XPC: variants seen among roughly 807,000 people sequenced by gnomAD.
XPC encodes XPC complex subunit, DNA damage recognition and repair factor.
Under a neutral mutation model 95.8 loss-of-function variants are expected in XPC, and 76 were observed. That is an observed-to-expected ratio of 0.79 (90% CI 0.66 to 0.96). The LOEUF is 0.96. Ranked by LOEUF, XPC falls within the 40% of genes least tolerant of loss-of-function variation. XPC has a pLI of 0.00. For synonymous variants in XPC, 442 were observed against 442.1 expected (o/e 1.00, Z 0.00); for missense variants, 1,146 against 1,179.8 (o/e 0.97, Z 0.42).
At chr3:14,155,004 C>G (rs1035178742) in intron 10 of XPC, among the ~76,000 whole-genome samples, 1 of 152,194 alleles carries the variant, frequency 6.6e-6, no homozygotes, top group Non-Finnish European at 1.5e-5. Flanking sequence ...CCCGACTACC[C>G]GTACATACCC....
At chr3:14,171,201 A>T (rs953260331) in intron 2 of XPC, among the ~76,000 whole-genome samples, 1 of 152,252 alleles carries the variant, frequency 6.6e-6, no homozygotes. Context: ...TGTCTAGAGT[A>T]TCCAGTTACT....
intron 10 of XPC, among the ~76,000 whole-genome samples, chr3:14,155,715 C>T (rs1695876307): frequency 6.6e-6 from 1 of 152,160 alleles, no homozygotes; most frequent in African/African-American, 2.4e-5. Flanking sequence ...CCCGCCACCA[C>T]ACCCGGCTAA....
In XPC at chr3:14,164,877, A is replaced by G; in HGVS notation, c.836T>C (p.Leu279Pro). The G allele has an allele frequency of 6.2e-7, 1 of 1,612,916 alleles. No homozygotes were observed. Among genetic ancestry groups the G allele is most frequent in the South Asian group, 1.1e-5 (1 of 90,796 alleles). ...AELSASEQDN[L>P]QTTLERRFAI... ...AAATCTCCTTTCCAATGTAGTCTGC[A>G]GGTTATCTTGTTCACTGGCTGAAAG... The change falls in exon 7 of 16, where the codon CTG becomes CCG. Residue 279 changes from leucine to proline, a missense_variant. Physicochemically the swap from Leu to Pro is moderately conservative, Grantham distance 98 (BLOSUM62 -3). Coordinates refer to ENST00000285021, the MANE Select transcript of XPC (RefSeq NM_004628.5).
intron 8 of XPC, 56 bp downstream of exon 8, chr3:14,159,685 A>G (rs1396956736): frequency 8.8e-6 from 13 of 1,471,470 alleles, no homozygotes; most frequent in Non-Finnish European, 1.2e-5. Flanking sequence ...AATTTTTTTA[A>G]GTGTGACAAT....
At chr3:14,162,678 CAG>C (rs1299239497) in intron 7 of XPC, among the ~76,000 whole-genome samples, 2 of 152,146 alleles carry the variant, frequency 1.3e-5, no homozygotes, top group African/African-American at 2.4e-5. Flanking sequence ...CAAGAAAACA[CAG>C]GGGTCGATCT....
chr3:14,175,949 AC>A (rs960789987), intron 1 of XPC, among the ~76,000 whole-genome samples: 3 of 152,122 alleles, frequency 2.0e-5, no homozygotes, highest in African/African-American at 7.2e-5. Context: ...AGCAGAATAA[AC>A]TTGGGTGCAT....
At chr3:14,174,626 T>C (rs867332822) in intron 1 of XPC, among the ~76,000 whole-genome samples, 1 of 152,206 alleles carries the variant, frequency 6.6e-6, no homozygotes, top group Non-Finnish European at 1.5e-5. Context: ...ATAATCTGAA[T>C]GTCCAACCAT....
intron 1 of XPC, among the ~76,000 whole-genome samples, chr3:14,175,249 TA>T (rs1173207887): frequency 6.6e-6 from 1 of 152,106 alleles, no homozygotes; most frequent in Non-Finnish European, 1.5e-5. Context: ...AAAATTACAC[TA>T]AATGCCTCAA....
chr3:14,165,401 C>T, intron 6 of XPC, 27 bp downstream of exon 6: 1 of 1,562,166 alleles, frequency 6.4e-7, no homozygotes, highest in Non-Finnish European at 8.7e-7. Context: ...CACTCCCCAG[C>T]TCTGCAGGAC....
chr3:14,146,422 C>T (rs1008908490), intron 15 of XPC, among the ~76,000 whole-genome samples: 1 of 152,076 alleles, frequency 6.6e-6, no homozygotes, highest in Non-Finnish European at 1.5e-5. Context: ...AGGAAGCTGC[C>T]CTCTAGGAGC....
intron 7 of XPC, among the ~76,000 whole-genome samples, chr3:14,161,163 G>C (rs1174172452): frequency 6.6e-6 from 1 of 152,156 alleles, no homozygotes. Flanking sequence ...AATCTGAACA[G>C]ATCTGTAATA....
Position 14,145,665 on chromosome 3 carries a change from G to T in XPC, c.*276C>A. 1.4e-6 allele frequency: 1 copy of T among 699,324 alleles called. No individual in the cohort carries two copies. 43.3% of individuals were successfully genotyped at this position (699,324 alleles called of 1,614,324 possible). On this transcript the variant is annotated 3_prime_UTR_variant, in exon 16 of 16. Coordinates refer to ENST00000285021, the MANE Select transcript of XPC (RefSeq NM_004628.5). ...AGGCAGAAGAGTATCTCCTAGCAAA[G>T]TGTTCTGTAGCTCAAAGGGTGAGTG...
intron 7 of XPC, among the ~76,000 whole-genome samples, chr3:14,160,230 G>A (rs1371917907): frequency 2.0e-5 from 3 of 152,058 alleles, no homozygotes; most frequent in Non-Finnish European, 4.4e-5. Context: ...AATATGTGTT[G>A]CGTTTGTGAC....
At position 14,156,421 on chromosome 3, in the gene XPC, C is replaced by T. The variant is rs764572758; in HGVS notation, c.1947G>A (p.Leu649=). The change falls in exon 10 of 16, where the codon CTG becomes CTA. Residue 649 remains leucine (L), a synonymous_variant. Coordinates refer to ENST00000285021, the MANE Select transcript of XPC (RefSeq NM_004628.5). Reference sequence around the variant, plus strand: ...CCTCATATTTCAGGAGATGCCGCTTCAGGGCATACAGAGGGTGGTTCTTAT... The same window carrying T: ...CCTCATATTTCAGGAGATGCCGCTTTAGGGCATACAGAGGGTGGTTCTTAT... ...GLYKNHPLYA[L]KRHLLKYEAI... 7 of 1,614,006 alleles carry T rather than the reference C, an allele frequency of 4.3e-6. No individual in the cohort carries two copies. Among genetic ancestry groups the T allele is most frequent in the Non-Finnish European group, 5.9e-6 (7 of 1,179,886 alleles).
chr3:14,161,455 A>G (rs1696162011), intron 7 of XPC, among the ~76,000 whole-genome samples: 1 of 151,590 alleles, frequency 6.6e-6, no homozygotes, highest in Non-Finnish European at 1.5e-5. Context: ...AACATATGAA[A>G]AGGCTTATAC....
intron 4 of XPC, 125 bp downstream of exon 4, chr3:14,168,132 C>T (rs1696458862): frequency 1.5e-6 from 2 of 1,340,782 alleles, no homozygotes; most frequent in Admixed American, 3.1e-5. Flanking sequence ...AGGTTCCTGA[C>T]CCAAGGTTCT....
intron 7 of XPC, among the ~76,000 whole-genome samples, chr3:14,163,113 A>C (rs1161465494): frequency 6.6e-6 from 1 of 152,204 alleles, no homozygotes; most frequent in African/African-American, 2.4e-5. Flanking sequence ...GAAAATAACC[A>C]AGTGTTGGTA....
At chr3:14,171,053 G>T (rs1696591473) in intron 2 of XPC, among the ~76,000 whole-genome samples, 1 of 152,180 alleles carries the variant, frequency 6.6e-6, no homozygotes, top group Non-Finnish European at 1.5e-5. Context: ...ACACATAGGT[G>T]AGTCATAAAT....
chr3:14,164,922 G>T lies in XPC; in HGVS notation c.791C>A (p.Thr264Lys). The change falls in exon 7 of 16, where the codon ACA becomes AAA. Residue 264 changes from threonine to lysine, a missense_variant. By Grantham distance (78) the Thr-to-Lys change is moderately conservative. Transcript: ENST00000285021. Reference protein sequence around the residue: ...LSNLVKWFIGTFTVNAELSAS... With the variant: ...LSNLVKWFIGKFTVNAELSAS... ...TGAAAGTTCTGCATTAACTGTAAAT[G>T]TTCCAATGAACCTGGGGAGAAAGCA... 1 of 1,609,848 alleles carries T rather than the reference G, an allele frequency of 6.2e-7. No individual in the cohort carries two copies. Among genetic ancestry groups the T allele is most frequent in the Non-Finnish European group, 8.5e-7 (1 of 1,178,122 alleles).
Sources: allele counts gnomAD v4.1 joint callset (sites outside exome capture counted in the v4.1 genomes callset), GRCh38; gene constraint gnomAD v4.1.1; transcripts MANE v1.5; gene names NCBI Gene and HGNC (gene_info 2026-07-23, HGNC 2026-07-21).